The following LY9 variants were observed in gnomAD, a reference collection of about 807,000 sequenced individuals.
LY9 encodes lymphocyte antigen 9, also known as T-lymphocyte surface antigen Ly-9.
Under a neutral mutation model 64.6 loss-of-function variants are expected in LY9, and 59 were observed. The ratio of observed to expected loss-of-function variants is 0.91; its 90% confidence interval spans 0.74 to 1.13. LY9 has a LOEUF of 1.13. Ranked by LOEUF, LY9 falls within the 50% of genes most tolerant of loss-of-function variation. The pLI, the probability that LY9 is intolerant of heterozygous loss-of-function variation, is 0.00. For synonymous variants in LY9, 281 were observed against 308.5 expected, an observed-to-expected ratio of 0.91 and a Z score of 0.93; for missense variants, 789 against 797.2, an observed-to-expected ratio of 0.99 and a Z score of 0.12.
At chr1:160,815,825 G>T (rs566075481) in intron 4 of LY9, among the ~76,000 whole-genome samples, 43 of 152,342 alleles carry the variant, frequency 2.8e-4, no homozygotes, top group African/African-American at 9.4e-4. Context: ...CAGTTCCCCT[G>T]GGGGTGAGGA....
intron 1 of LY9, chr1:160,797,330 C>A: frequency 1.0e-6 from 1 of 967,110 alleles, no homozygotes; most frequent in Non-Finnish European, 1.2e-6. Flanking sequence ...CTGAAGGGAG[C>A]TTTAGAAACA....
Position 160,799,846 on chromosome 1 carries a change from C to T in LY9, c.218C>T (p.Thr73Ile), listed in dbSNP as rs140774383. 364 of 1,613,954 alleles carry T rather than the reference C, an allele frequency of 2.3e-4. No individual in the cohort carries two copies. The highest frequency in any genetic ancestry group is 3.0e-4 in the Non-Finnish European group (349 of 1,179,938). ...CTCCCCCTAAACATCTCAGTAGACA[C>T]AGAGATTGAGAACGTCATCTGGATT... ...VTLPLNISVD[T>I]EIENVIWIGP... Residue 73 changes from threonine to isoleucine, a missense_variant, in exon 2 of 10, where the codon ACA (threonine) becomes ATA (isoleucine). Transcript: ENST00000263285.
chr1:160,799,820 T>A lies in LY9; in HGVS notation c.192T>A (p.Thr64=). Residue 64 remains threonine (T), a synonymous_variant, in exon 2 of 10, where the codon ACT becomes ACA. Transcript: ENST00000263285. ...CAGGGATCCTAGGGGGTTCCGTGAC[T>A]CTCCCCCTAAACATCTCAGTAGACA... is the stretch of plus-strand genomic sequence containing the variant. ...VVSGILGGSV[T]LPLNISVDTE... 1.2e-6 allele frequency: 2 copies of A among 1,613,954 alleles called. No homozygotes were observed. The highest frequency in any genetic ancestry group is 2.2e-5 in the South Asian group (2 of 91,072).
chr1:160,796,348 C>T (rs376452845), intron 1 of LY9, 37 bp downstream of exon 1: 40 of 1,595,598 alleles, frequency 2.5e-5, no homozygotes, highest in Non-Finnish European at 3.2e-5. Flanking sequence ...CTTGCTACTG[C>T]GGTTCTTCTG....
At position 160,827,984 on chromosome 1, in the gene LY9, A is replaced by T. The variant is rs1341570572; in HGVS notation, c.*168A>T. On this transcript the variant is annotated 3_prime_UTR_variant, in exon 10 of 10. Coordinates refer to ENST00000263285, the MANE Select transcript of LY9 (RefSeq NM_002348.4). ...TCCTTCTCACCCTTAAGGACTCCCA[A>T]ACCCATTAATAGTTCAGACACAGGC... The T allele has an allele frequency of 1.9e-6, 1 of 539,648 alleles. No individual in the cohort carries two copies. The highest frequency in any genetic ancestry group is 1.9e-5 in the African/African-American group (1 of 51,898). The allele number at this position is 539,648 out of a possible 1,614,324, so 33.4% of individuals were successfully genotyped here. A position where few individuals can be genotyped will look rare whatever the true frequency, so the allele number is the denominator to read the frequency against.
intron 7 of LY9, among the ~76,000 whole-genome samples, chr1:160,820,861 T>G (rs917233466): frequency 1.3e-5 from 2 of 151,358 alleles, no homozygotes; most frequent in African/African-American, 4.8e-5. Context: ...TTTTTTTAAT[T>G]CAAAAGTCAG....
At chr1:160,805,683 G>A (rs1666905349) in intron 2 of LY9, among the ~76,000 whole-genome samples, 1 of 151,794 alleles carries the variant, frequency 6.6e-6, no homozygotes, top group African/African-American at 2.4e-5. Flanking sequence ...GTCTAATGCT[G>A]AGAGTGGAGT....
Position 160,814,503 on chromosome 1 carries a change from C to T in LY9, c.814C>T (p.Pro272Ser). The T allele has an allele frequency of 1.2e-6, 2 of 1,614,106 alleles. No homozygotes were observed. Among genetic ancestry groups the T allele is most frequent in the Non-Finnish European group, 1.7e-6 (2 of 1,180,020 alleles). The change falls in exon 4 of 10, where the codon CCA (proline) becomes TCA (serine). Residue 272 changes from proline (P) to serine (S), a missense_variant. Transcript: ENST00000263285. Reference sequence around the variant, plus strand: ...GCCAGTCACCCTGCCACTTGCACTCCCAGCCTGCCGGGACACAGAGAAGGT... The same window carrying T: ...GCCAGTCACCCTGCCACTTGCACTCTCAGCCTGCCGGGACACAGAGAAGGT... ...GEPVTLPLALPACRDTEKVVW... is the reference protein window; with the variant it reads ...GEPVTLPLALSACRDTEKVVW...
Position 160,799,741 on chromosome 1 carries a change from C to A in LY9, c.125-12C>A, listed in dbSNP as rs1161894734. ...CTAGCTGCTCCTCCAAGTCCCTCTT[C>A]TATCTCTGCAGGACTAAGAGCCTCT... On this transcript the variant is annotated splice_polypyrimidine_tract_variant and intron_variant, in intron 1 of 9. Transcript: ENST00000263285. The A allele has an allele frequency of 5.1e-6, 8 of 1,580,540 alleles. No individual in the cohort carries two copies. Among genetic ancestry groups the A allele is most frequent in the Non-Finnish European group, 6.9e-6 (8 of 1,155,568 alleles).
intron 2 of LY9, chr1:160,802,272 A>G (rs1666568856): frequency 7.9e-6 from 8 of 1,012,188 alleles, no homozygotes; most frequent in Non-Finnish European, 9.4e-6. Context: ...CCCTGCAAAG[A>G]CTCCTCGGGC....
rs139694843 is a variant in LY9, at chr1:160,799,814, C to T, written c.186C>T (p.Ser62=). 8.9e-5 allele frequency: 143 copies of T among 1,614,012 alleles called. No homozygotes were observed. In the East Asian group the frequency reaches 2.5e-3, roughly 28 times the overall value. ...TGGTGTCAGGGATCCTAGGGGGTTCCGTGACTCTCCCCCTAAACATCTCAG... is the reference window on the plus strand; with the variant it reads ...TGGTGTCAGGGATCCTAGGGGGTTCTGTGACTCTCCCCCTAAACATCTCAG... The part of the protein sequence containing the change: ...PTVVSGILGG[S]VTLPLNISVD... The change falls in exon 2 of 10, where the codon TCC becomes TCT. Residue 62 remains serine (S), a synonymous_variant. Transcript: ENST00000263285.
intron 3 of LY9, 84 bp from the exon 4 acceptor site, chr1:160,814,336 T>G (rs1571021967): frequency 9.9e-7 from 1 of 1,007,364 alleles, no homozygotes; most frequent in East Asian, 2.4e-5. Flanking sequence ...GGGACTTCAG[T>G]CCCCTCAGTC....
At chr1:160,803,773 C>G (rs1050681214) in intron 2 of LY9, among the ~76,000 whole-genome samples, 10 of 152,048 alleles carry the variant, frequency 6.6e-5, no homozygotes, top group African/African-American at 2.2e-4. Context: ...TTTGGGAGAC[C>G]AAGGCAGGTG....
At chr1:160,798,518 C>T (rs1343982418) in intron 1 of LY9, among the ~76,000 whole-genome samples, 1 of 152,164 alleles carries the variant, frequency 6.6e-6, no homozygotes, top group Non-Finnish European at 1.5e-5. Context: ...TAGAAAACCT[C>T]AAACCAACCT....
At chr1:160,804,886 A>C (rs1666829265) in intron 2 of LY9, among the ~76,000 whole-genome samples, 1 of 152,142 alleles carries the variant, frequency 6.6e-6, no homozygotes, top group African/African-American at 2.4e-5. Flanking sequence ...ATAGTTGTTC[A>C]TAATAGTCTC....
chr1:160,812,409 C>T (rs1667548478), intron 2 of LY9: 1 of 148,216 alleles, frequency 6.7e-6, no homozygotes, highest in African/African-American at 2.5e-5. Flanking sequence ...CAGTTTAGCT[C>T]ATAACACCAT....
At position 160,799,899 on chromosome 1, in the gene LY9, C is replaced by A; in HGVS notation, c.271C>A (p.Arg91Ser). 1.2e-6 allele frequency: 2 copies of A among 1,614,166 alleles called. No homozygotes were observed. The highest frequency in any genetic ancestry group is 1.7e-6 in the Non-Finnish European group (2 of 1,180,030). ...TCCCAAAAATGCTCTTGCTTTCGCA[C>A]GTCCCAAAGAAAATGTAACCATTAT... ...IGPKNALAFA[R>S]PKENVTIMVK... The change falls in exon 2 of 10, where the codon CGT becomes AGT. Residue 91 changes from arginine to serine, a missense_variant. Coordinates refer to ENST00000263285, the MANE Select transcript of LY9 (RefSeq NM_002348.4).
In LY9 at chr1:160,799,753, G is replaced by A. The variant is rs1326112547; in HGVS notation, c.125G>A (p.Gly42Glu). ...LQTSLLFLLM[G>E]LRASGKDSAP... The stretch of plus-strand genomic sequence containing the variant: ...CCAAGTCCCTCTTCTATCTCTGCAG[G>A]ACTAAGAGCCTCTGGAAAGGACTCA... The change falls in exon 2 of 10, where the codon GGA (glycine) becomes GAA (glutamate). Residue 42 changes from glycine (G) to glutamate (E), a missense_variant and splice_region_variant. Transcript: ENST00000263285. 6.2e-7 allele frequency: 1 copy of A among 1,608,804 alleles called. No homozygotes were observed. Among genetic ancestry groups the A allele is most frequent in the East Asian group, 2.2e-5 (1 of 44,852 alleles).
At chr1:160,826,209 TG>T (rs1290479782) in intron 9 of LY9, among the ~76,000 whole-genome samples, 6 of 152,310 alleles carry the variant, frequency 3.9e-5, no homozygotes, top group Admixed American at 6.5e-5. Context: ...TAAGTGGAAT[TG>T]GATCATTGTA....
Sources: gnomAD v4.1 joint callset for allele counts (sites outside exome capture counted in the v4.1 genomes callset) on GRCh38, gnomAD v4.1.1 for gene constraint, MANE v1.5 for transcripts, NCBI Gene and HGNC (gene_info 2026-07-23, HGNC 2026-07-21) for gene names.